PLXNA2: variants seen among roughly 807,000 people sequenced by gnomAD.
PLXNA2 encodes the protein plexin A2.
Under a neutral mutation model 193.5 loss-of-function variants are expected in PLXNA2, and 91 were observed. That is an observed-to-expected ratio of 0.47 (90% CI 0.40 to 0.56). The LOEUF is 0.56. Ranked by LOEUF, PLXNA2 falls within the 20% of genes least tolerant of loss-of-function variation. PLXNA2 has a pLI of 0.00. For missense variants in PLXNA2, 1,995 were observed against 2,503.2 expected (o/e 0.80, Z 4.33); for synonymous variants, 997 against 1,027.3 (o/e 0.97, Z 0.56).
Position 208,031,855 on chromosome 1 carries a change from A to G in PLXNA2, c.5056-96T>C, listed in dbSNP as rs539811306. The G allele has an allele frequency of 1.6e-5, 21 of 1,311,622 alleles. 1 individual carries two copies. In the South Asian group the frequency reaches 3.0e-4, roughly 19 times the overall value. 81.2% of individuals were successfully genotyped at this position (1,311,622 alleles called of 1,614,324 possible). A position where few individuals can be genotyped will look rare whatever the true frequency, so the allele number is the denominator to read the frequency against. ...TGCCTTGGACCCATCCTGCCTTGGA[A>G]ATTTGTCTGGGACACGAGGCTGTGC... is the stretch of plus-strand genomic sequence containing the variant. On this transcript the variant is annotated intron_variant, in intron 28 of 31. Transcript: ENST00000367033.
chr1:208,194,744 C>T (rs1670302282), intron 3 of PLXNA2, among the ~76,000 whole-genome samples: 1 of 152,170 alleles, frequency 6.6e-6, no homozygotes, highest in African/African-American at 2.4e-5. Flanking sequence ...ACCTCCCAGC[C>T]CCTCCATCTC....
chr1:208,182,276 T>C (rs916553908), intron 3 of PLXNA2, among the ~76,000 whole-genome samples: 10 of 151,926 alleles, frequency 6.6e-5, no homozygotes, highest in Non-Finnish European at 7.4e-5. Flanking sequence ...CTACTAAACA[T>C]ACAAAAATTA....
Position 208,027,321 on chromosome 1 carries a change from C to T in PLXNA2, c.5607G>A (p.Glu1869=), listed in dbSNP as rs1664371738. 1.2e-6 allele frequency: 2 copies of T among 1,613,036 alleles called. No homozygotes were observed. Among genetic ancestry groups the T allele is most frequent in the Non-Finnish European group, 1.7e-6 (2 of 1,179,972 alleles). The change falls in exon 32 of 32, where the codon GAG becomes GAA. Residue 1869 remains glutamate, a synonymous_variant. Coordinates refer to ENST00000367033, the MANE Select transcript of PLXNA2 (RefSeq NM_025179.4). ...KYSEELIGAL[E]QDEQARRQRL... ...GCTGCCGCCGTGCCTGCTCATCCTGCTCTAGGGCCCCGATGAGCTGAGGAG... is the reference window on the plus strand; with the variant it reads ...GCTGCCGCCGTGCCTGCTCATCCTGTTCTAGGGCCCCGATGAGCTGAGGAG...
intron 13 of PLXNA2, among the ~76,000 whole-genome samples, chr1:208,059,883 C>T (rs1346063067): frequency 6.6e-6 from 1 of 152,124 alleles, no homozygotes; most frequent in African/African-American, 2.4e-5. Flanking sequence ...GAGGAAACAA[C>T]CTGACCTGGC....
chr1:208,036,214 T>TA (rs1291546456), intron 26 of PLXNA2, among the ~76,000 whole-genome samples: 1 of 152,230 alleles, frequency 6.6e-6, no homozygotes, highest in Admixed American at 6.5e-5. Flanking sequence ...CCAGAAATGA[T>TA]ACCTGGAAAG....
At chr1:208,196,971 A>G (rs1670381529) in intron 3 of PLXNA2, among the ~76,000 whole-genome samples, 1 of 152,196 alleles carries the variant, frequency 6.6e-6, no homozygotes, top group Non-Finnish European at 1.5e-5. Flanking sequence ...GTGCTAAGAG[A>G]TTTAGATGCT....
In PLXNA2 at chr1:208,038,687, G is replaced by C. The variant is rs1664755776; in HGVS notation, c.4660+138C>G. On this transcript the variant is annotated intron_variant, in intron 25 of 31. Coordinates refer to ENST00000367033, the MANE Select transcript of PLXNA2 (RefSeq NM_025179.4). The surrounding 1 kb of genome is among the most constrained non-coding windows in gnomAD (Gnocchi z 4.1). ...AGACAGCCACATCTGAACAGGCAGC[G>C]CTCAAAGCGGGAAGCATTTCACACG... 1.1e-6 allele frequency: 1 copy of C among 938,624 alleles called. No homozygotes were observed. The highest frequency in any genetic ancestry group is 1.7e-6 in the Non-Finnish European group (1 of 602,020). The allele number at this position is 938,624 out of a possible 1,614,324, so 58.1% of individuals were successfully genotyped here.
chr1:208,202,993 T>C (rs1670599254), intron 3 of PLXNA2, among the ~76,000 whole-genome samples: 1 of 152,230 alleles, frequency 6.6e-6, no homozygotes, highest in African/African-American at 2.4e-5. Flanking sequence ...GATCAGGACC[T>C]CCTTCCCTGG....
intron 3 of PLXNA2, among the ~76,000 whole-genome samples, chr1:208,144,889 A>G (rs1401436187): frequency 6.6e-6 from 1 of 151,978 alleles, no homozygotes; most frequent in Non-Finnish European, 1.5e-5. Flanking sequence ...AGAGTCAGCA[A>G]TGGTGTTACA....
intron 13 of PLXNA2, among the ~76,000 whole-genome samples, chr1:208,058,167 C>T (rs72739458): frequency 0.013 from 2,004 of 152,282 alleles, 19 homozygotes; most frequent in Middle Eastern, 0.065. Flanking sequence ...TTCACAGGTA[C>T]AGCAGATGAG....
At chr1:208,194,082 T>C (rs538117006) in intron 3 of PLXNA2, among the ~76,000 whole-genome samples, 5 of 149,348 alleles carry the variant, frequency 3.3e-5, no homozygotes, top group African/African-American at 1.2e-4. Context: ...AATCCTGGAG[T>C]CGTTTACTCC....
rs561813823 is a variant in PLXNA2, at chr1:208,044,291, A to G, written c.3874+217T>C. On this transcript the variant is annotated intron_variant, in intron 20 of 31. Transcript: ENST00000367033. This position sits in a 1 kb window ranked among gnomAD's most constrained non-coding sequence, Gnocchi z 4.9. ...TCAGGGCAAAGAAGGGACTAGAACA[A>G]TGCAATTGGACCTGGGTCCTCATGC... 6.6e-6 allele frequency among the ~76,000 whole-genome samples: 1 copy of G among 152,288 alleles called. No individual in the cohort carries two copies. Among genetic ancestry groups the G allele is most frequent in the East Asian group, 1.9e-4 (1 of 5,184 alleles).
chr1:208,172,938 G>C (rs1337923732), intron 3 of PLXNA2, among the ~76,000 whole-genome samples: 1 of 152,336 alleles, frequency 6.6e-6, no homozygotes, highest in African/African-American at 2.4e-5. Flanking sequence ...AGGCCTGAGA[G>C]GGAGAAGATT....
chr1:208,173,487 C>T (rs1173093838), intron 3 of PLXNA2, among the ~76,000 whole-genome samples: 2 of 152,180 alleles, frequency 1.3e-5, no homozygotes, highest in Admixed American at 6.5e-5. Flanking sequence ...CTGAGAAAAT[C>T]GGAGCTCAGA....
At chr1:208,108,383 G>C (rs1439169530) in intron 4 of PLXNA2, among the ~76,000 whole-genome samples, 2 of 152,136 alleles carry the variant, frequency 1.3e-5, no homozygotes, top group African/African-American at 4.8e-5. Flanking sequence ...AGTCATCCTG[G>C]ACAGAGCCCC....
chr1:208,164,918 G>T (rs189796046), intron 3 of PLXNA2, among the ~76,000 whole-genome samples: 1 of 152,374 alleles, frequency 6.6e-6, no homozygotes, highest in East Asian at 1.9e-4. Context: ...TACTCTGTTA[G>T]CAAAGAGGCT....
intron 4 of PLXNA2, among the ~76,000 whole-genome samples, chr1:208,122,438 T>A (rs17259332): frequency 0.059 from 9,030 of 152,328 alleles, 394 homozygotes; most frequent in Non-Finnish European, 0.093. Context: ...AAAAACGTCT[T>A]AATCTATAAA....
At chr1:208,047,101 C>T (rs1409106328) in intron 17 of PLXNA2, among the ~76,000 whole-genome samples, 8 of 152,148 alleles carry the variant, frequency 5.3e-5, no homozygotes, top group Non-Finnish European at 1.0e-4. Flanking sequence ...GTTGGGATTA[C>T]AGGCACGTGC....
intron 12 of PLXNA2, among the ~76,000 whole-genome samples, chr1:208,073,651 C>A (rs778017585): frequency 2.6e-5 from 4 of 152,088 alleles, no homozygotes; most frequent in African/African-American, 4.8e-5. Context: ...TGGTGAAGAC[C>A]TAATTCAGTG....
Sources: allele counts gnomAD v4.1 joint callset (sites outside exome capture counted in the v4.1 genomes callset), GRCh38; gene constraint gnomAD v4.1.1; non-coding constraint Gnocchi (gnomAD v3.1); transcripts MANE v1.5; gene names NCBI Gene and HGNC (gene_info 2026-07-23, HGNC 2026-07-21).